Variants in WIF1 observed in about 807,000 individuals in gnomAD.
WIF1 encodes the protein Wnt inhibitory factor 1.
A neutral mutation model predicts 53.5 loss-of-function variants in WIF1; 35 were observed. The ratio of observed to expected loss-of-function variants is 0.65; its 90% CI spans 0.50 to 0.87. The LOEUF (loss-of-function observed/expected upper bound fraction) is 0.87, where lower values mean the gene tolerates loss of function less well. Among genes scored for constraint, WIF1 ranks in the 40% least tolerant of loss-of-function variants. The pLI, the probability that WIF1 is intolerant of heterozygous loss-of-function variation, is 0.00. For missense variants in WIF1, 467 were observed against 476.8 expected, an observed-to-expected ratio of 0.98 and a Z score of 0.19; for synonymous variants, 171 against 170.4, an observed-to-expected ratio of 1.00 and a Z score of -0.03.
chr12:65,097,474 G>A lies in WIF1; in HGVS notation c.289-19620C>T, dbSNP rs187862133. 3.3e-5 allele frequency among the ~76,000 whole-genome samples: 5 copies of A among 152,218 alleles called. No individual in the cohort carries two copies. The East Asian group carries it at 5.8e-4, about 18-fold the overall frequency. On this transcript the variant is annotated intron_variant, in intron 2 of 9. Transcript: ENST00000286574. Reference sequence around the variant, plus strand: ...AGTCACCCCCAAAGCAGAAACCTACGTCAGCCTGGTGGACACACTGGGTGC... The same window carrying A: ...AGTCACCCCCAAAGCAGAAACCTACATCAGCCTGGTGGACACACTGGGTGC...
chr12:65,099,837 TC>T (rs1172336156), intron 2 of WIF1, among the ~76,000 whole-genome samples: 2 of 152,186 alleles, frequency 1.3e-5, no homozygotes, highest in African/African-American at 4.8e-5. Context: ...AGTGCTGTTT[TC>T]CAGCCAGTAA....
chr12:65,055,031 T>A (rs2136607293), intron 9 of WIF1, 87 bp downstream of exon 9: 2 of 1,373,276 alleles, frequency 1.5e-6, no homozygotes, highest in East Asian at 4.7e-5. Context: ...GAAACCGAAG[T>A]GAAAAGGCTG....
chr12:65,068,961 T>C, intron 3 of WIF1, 57 bp from the exon 4 acceptor site: 1 of 1,574,320 alleles, frequency 6.4e-7, no homozygotes, highest in Non-Finnish European at 8.6e-7. Context: ...ATTCTAGTTT[T>C]ACAGAAATCT....
chr12:65,082,946 A>G (rs1882972129), intron 2 of WIF1, among the ~76,000 whole-genome samples: 1 of 152,182 alleles, frequency 6.6e-6, no homozygotes, highest in South Asian at 2.1e-4. Context: ...ATGCTGACCT[A>G]AGTGCTCATG....
intron 7 of WIF1, among the ~76,000 whole-genome samples, chr12:65,056,869 C>T (rs759590329): frequency 9.3e-5 from 14 of 150,900 alleles, no homozygotes; most frequent in Admixed American, 2.6e-4. Context: ...AAGCTGGTCT[C>T]GAACTCCTGA....
chr12:65,051,846 C>T (rs932308768), intron 9 of WIF1, among the ~76,000 whole-genome samples: 4 of 152,204 alleles, frequency 2.6e-5, no homozygotes, highest in South Asian at 2.1e-4. Context: ...CACTGCAAAC[C>T]TAACCTAGCT....
At chr12:65,115,614 T>C (rs753191028) in intron 2 of WIF1, among the ~76,000 whole-genome samples, 18 of 152,244 alleles carry the variant, frequency 1.2e-4, no homozygotes, top group Non-Finnish European at 2.2e-4. Flanking sequence ...TGAAAAGTTT[T>C]ATACAAGAAT....
intron 2 of WIF1, among the ~76,000 whole-genome samples, chr12:65,085,626 C>T (rs1883026830): frequency 6.6e-6 from 1 of 152,316 alleles, no homozygotes; most frequent in East Asian, 1.9e-4. Context: ...ATGGCTTAAA[C>T]AGGCGATAGA....
At position 65,066,612 on chromosome 12, in the gene WIF1, TAACTTTCTTCTTAAAAAGAA is replaced by T; in HGVS notation, c.730+9_730+28del. ...TAATCAAACATTTTAAAAGTAAAAATAACTTTCTTCTTAAAAAGAAACTGTTACCTTTGTCACAGTTCACT... is the reference window on the plus strand; with the variant it reads ...TAATCAAACATTTTAAAAGTAAAAATACTGTTACCTTTGTCACAGTTCACT... On this transcript the variant is annotated intron_variant, in intron 6 of 9. Coordinates refer to ENST00000286574, the MANE Select transcript of WIF1 (RefSeq NM_007191.5). The T allele has an allele frequency of 1.3e-6, 2 of 1,567,702 alleles. No homozygotes were observed. The highest frequency in any genetic ancestry group is 1.7e-6 in the Non-Finnish European group (2 of 1,152,276).
intron 6 of WIF1, among the ~76,000 whole-genome samples, chr12:65,064,249 G>A (rs1006354330): frequency 2.0e-5 from 3 of 152,158 alleles, no homozygotes; most frequent in Non-Finnish European, 4.4e-5. Flanking sequence ...ATTCGGCAAG[G>A]TTGGTTACAT....
chr12:65,065,174 C>T (rs1405127492), intron 6 of WIF1, among the ~76,000 whole-genome samples: 2 of 152,206 alleles, frequency 1.3e-5, no homozygotes, highest in East Asian at 3.9e-4. Flanking sequence ...AATGCTTTCA[C>T]ATATTATCTC....
rs142995238 is a variant in WIF1, at chr12:65,093,082, T to A, written c.289-15228A>T. The stretch of plus-strand genomic sequence containing the variant: ...TACCACACAGAAGAGGAGATTTTAA[T>A]TACTGGCATGAGAATAATCTTAGCA... On this transcript the variant is annotated intron_variant, in intron 2 of 9. Coordinates refer to ENST00000286574, the MANE Select transcript of WIF1 (RefSeq NM_007191.5). 7.1e-4 allele frequency among the ~76,000 whole-genome samples: 108 copies of A among 152,256 alleles called. 1 individual carries two copies. In the East Asian group the frequency reaches 0.018, roughly 25 times the overall value.
intron 2 of WIF1, among the ~76,000 whole-genome samples, chr12:65,080,383 A>T (rs980230141): frequency 3.9e-5 from 6 of 152,194 alleles, no homozygotes; most frequent in Non-Finnish European, 7.4e-5. Context: ...GCAGAGGTTT[A>T]TAAGAAGTCT....
At chr12:65,075,452 C>T (rs1311564359) in intron 3 of WIF1, among the ~76,000 whole-genome samples, 1 of 152,020 alleles carries the variant, frequency 6.6e-6, no homozygotes, top group Non-Finnish European at 1.5e-5. Context: ...AGTATGCCAT[C>T]GATGACTTTA....
intron 3 of WIF1, among the ~76,000 whole-genome samples, chr12:65,072,625 C>A (rs980558732): frequency 3.3e-5 from 5 of 152,132 alleles, no homozygotes; most frequent in Non-Finnish European, 7.3e-5. Context: ...CATACCTGCA[C>A]ATATACACAG....
intron 2 of WIF1, among the ~76,000 whole-genome samples, chr12:65,110,282 C>T (rs544868963): frequency 1.3e-5 from 2 of 150,168 alleles, no homozygotes; most frequent in East Asian, 4.0e-4. Context: ...CAATATTCTC[C>T]TTTCCACACA....
At chr12:65,086,253 G>A (rs1442493488) in intron 2 of WIF1, among the ~76,000 whole-genome samples, 1 of 152,110 alleles carries the variant, frequency 6.6e-6, no homozygotes, top group Non-Finnish European at 1.5e-5. Context: ...GGAAAGGGTG[G>A]TGTAGGCAGC....
chr12:65,105,030 T>A (rs971137388), intron 2 of WIF1, among the ~76,000 whole-genome samples: 13 of 152,088 alleles, frequency 8.5e-5, no homozygotes, highest in African/African-American at 3.1e-4. Flanking sequence ...GTGGTCTGAT[T>A]TCAAGTAAGA....
At chr12:65,112,366 A>T (rs1192495906) in intron 2 of WIF1, among the ~76,000 whole-genome samples, 2 of 150,036 alleles carry the variant, frequency 1.3e-5, no homozygotes, top group African/African-American at 4.9e-5. Context: ...AGTTCTATGC[A>T]CTTACAAAAA....
Sources: gnomAD v4.1 joint callset for allele counts (sites outside exome capture counted in the v4.1 genomes callset) on GRCh38, gnomAD v4.1.1 for gene constraint, MANE v1.5 for transcripts, NCBI Gene and HGNC (gene_info 2026-07-23, HGNC 2026-07-21) for gene names.